Variants in RNF130 observed in about 807,000 individuals in gnomAD.
RNF130 encodes the protein E3 ubiquitin-protein ligase RNF130.
In RNF130, 21 loss-of-function variants were observed where a neutral mutation model predicts 44.6. The ratio of observed to expected loss-of-function variants is 0.47; its 90% CI spans 0.33 to 0.68. The LOEUF (loss-of-function observed/expected upper bound fraction) is 0.68. RNF130 is among the 30% of genes least tolerant of loss of function. RNF130 has a pLI of 0.02. For synonymous variants in RNF130, 214 were observed against 210.4 expected, an observed-to-expected ratio of 1.02 and a Z score of -0.15; for missense variants, 479 against 560.6, an observed-to-expected ratio of 0.85 and a Z score of 1.47.
At chr5:179,920,779 T>TATA (rs1561658045) in intron 7 of RNF130, among the ~76,000 whole-genome samples, 22 of 137,982 alleles carry the variant, frequency 1.6e-4, no homozygotes, top group African/African-American at 5.7e-4. Context: ...GCATATATAT[T>TATA]TATATATATA....
rs576152744 is a variant in RNF130, at chr5:180,060,167, C to G, written c.247+11289G>C. 2.6e-5 allele frequency among the ~76,000 whole-genome samples: 4 copies of G among 152,290 alleles called. No homozygotes were observed. In the South Asian group the frequency reaches 8.3e-4, roughly 32 times the overall value. On this transcript the variant is annotated intron_variant, in intron 1 of 8. Coordinates refer to ENST00000521389, the MANE Select transcript of RNF130 (RefSeq NM_018434.6). ...CCAAAGCCACGCAGTCTTGCCAACACCTTGGTCTCACTGAGGCCAGTAAAA... is the reference window on the plus strand; with the variant it reads ...CCAAAGCCACGCAGTCTTGCCAACAGCTTGGTCTCACTGAGGCCAGTAAAA...
chr5:179,950,664 C>T (rs543785383), downstream of RNF130, among the ~76,000 whole-genome samples: 13 of 152,326 alleles, frequency 8.5e-5, no homozygotes, highest in African/African-American at 2.4e-4. Context: ...TCACTCATTT[C>T]GCTTCTTAGC....
chr5:179,922,764 T>C (rs1293381895), intron 7 of RNF130, among the ~76,000 whole-genome samples: 2 of 151,804 alleles, frequency 1.3e-5, no homozygotes, highest in Non-Finnish European at 2.9e-5. Flanking sequence ...TGAAACCCCA[T>C]CTCTACTAAA....
chr5:179,984,612 G>T (rs1762913740), intron 3 of RNF130, among the ~76,000 whole-genome samples: 1 of 152,014 alleles, frequency 6.6e-6, no homozygotes, highest in African/African-American at 2.4e-5. Context: ...TGGTCATGAT[G>T]AATTTATATA....
chr5:180,061,417 C>T (rs906017675), intron 1 of RNF130, among the ~76,000 whole-genome samples: 3 of 152,200 alleles, frequency 2.0e-5, no homozygotes, highest in Non-Finnish European at 2.9e-5. Context: ...CCAGTGGCGG[C>T]CGCAAGACAT....
At chr5:179,959,097 T>C (rs1456265383) in intron 8 of RNF130, among the ~76,000 whole-genome samples, 1 of 152,168 alleles carries the variant, frequency 6.6e-6, no homozygotes, top group Non-Finnish European at 1.5e-5. Context: ...TGAGGCTCTT[T>C]TGAGTATTAA....
intron 7 of RNF130, among the ~76,000 whole-genome samples, chr5:179,944,590 T>C (rs947507204): frequency 5.9e-5 from 9 of 152,024 alleles, no homozygotes; most frequent in African/African-American, 2.2e-4. Flanking sequence ...TCAGCCTCCT[T>C]GCAAGCCACC....
exon 8 of RNF130, chr5:179,913,909 T>A (rs1401272641): frequency 6.6e-6 from 1 of 152,250 alleles, no homozygotes; most frequent in African/African-American, 2.4e-5. Context: ...CACGCTTTGC[T>A]TTCCCTGTAG....
chr5:180,051,889 T>C (rs764440371), intron 1 of RNF130, among the ~76,000 whole-genome samples: 1 of 152,232 alleles, frequency 6.6e-6, no homozygotes. Context: ...AGATACTTCA[T>C]GCAAGATGCT....
chr5:179,978,264 G>T lies in RNF130; in HGVS notation c.787C>A (p.His263Asn). 29 of 1,613,824 alleles carry T rather than the reference G, an allele frequency of 1.8e-5. No individual in the cohort carries two copies. Among genetic ancestry groups the T allele is most frequent in the Non-Finnish European group, 2.5e-5 (29 of 1,179,720 alleles). ...GDKETDPDFD[H>N]CAVCIESYKQ... ...TAGCTCTCTATGCAGACTGCACAAT[G>T]ATCAAAGTCTGGGTCAGTTTCCTAA... The change falls in exon 5 of 9, where the codon CAT (histidine) becomes AAT (asparagine). Residue 263 changes from histidine to asparagine, a missense_variant. Physicochemically the swap from His to Asn is moderately conservative, Grantham distance 68 (BLOSUM62 1). Around this residue, in one of 3 missense-constraint regions of RNF130, gnomAD observed 180 missense variants for 275.1 expected, o/e 0.65. Transcript: ENST00000521389.
At chr5:179,931,385 T>C (rs1368002011) in intron 7 of RNF130, among the ~76,000 whole-genome samples, 1 of 152,252 alleles carries the variant, frequency 6.6e-6, no homozygotes, top group Non-Finnish European at 1.5e-5. Context: ...TTCTGTGTTC[T>C]TTTGTGTGTG....
chr5:179,941,238 T>C (rs1247514061), intron 7 of RNF130, among the ~76,000 whole-genome samples: 1 of 152,244 alleles, frequency 6.6e-6, no homozygotes, highest in Admixed American at 6.5e-5. Context: ...TTGCTGGACA[T>C]GTATACAAGA....
intron 1 of RNF130, among the ~76,000 whole-genome samples, chr5:180,043,473 C>T (rs571535845): frequency 3.9e-5 from 6 of 152,270 alleles, no homozygotes; most frequent in South Asian, 2.1e-4. Flanking sequence ...AGCTACCCCA[C>T]GCTCAGCAGC....
chr5:180,057,987 GT>G (rs1208337592), intron 1 of RNF130, among the ~76,000 whole-genome samples: 2 of 152,164 alleles, frequency 1.3e-5, no homozygotes, highest in African/African-American at 4.8e-5. Flanking sequence ...TTACCAGGTA[GT>G]TAGTGTCAGA....
At chr5:179,966,452 C>T (rs1762451799) in intron 7 of RNF130, among the ~76,000 whole-genome samples, 1 of 152,220 alleles carries the variant, frequency 6.6e-6, no homozygotes, top group Non-Finnish European at 1.5e-5. Flanking sequence ...TCACAGCATA[C>T]AACACACCAG....
chr5:179,984,466 T>C (rs1762910013), intron 3 of RNF130, among the ~76,000 whole-genome samples: 2 of 152,174 alleles, frequency 1.3e-5, no homozygotes, highest in South Asian at 4.1e-4. Context: ...CAGGAATCGA[T>C]GTTGGACTTC....
At chr5:179,998,892 A>ATC in intron 3 of RNF130, among the ~76,000 whole-genome samples, 1 of 101,060 alleles carries the variant, frequency 9.9e-6, no homozygotes, top group African/African-American at 3.8e-5. Context: ...TATGTTTTAT[A>ATC]TATCTGAGTG....
At chr5:180,043,139 AG>A (rs1764465889) in intron 1 of RNF130, among the ~76,000 whole-genome samples, 1 of 152,160 alleles carries the variant, frequency 6.6e-6, no homozygotes. Context: ...GCACATAGTA[AG>A]ACCCTCATCT....
intron 3 of RNF130, among the ~76,000 whole-genome samples, chr5:180,006,368 T>G (rs775763091): frequency 6.6e-6 from 1 of 152,220 alleles, no homozygotes; most frequent in African/African-American, 2.4e-5. Context: ...AACCTTTCTC[T>G]GACACAGGAA....
Sources: gnomAD v4.1 joint callset for allele counts (sites outside exome capture counted in the v4.1 genomes callset) on GRCh38, gnomAD v4.1.1 for gene constraint, gnomAD v4.1.1 regional missense constraint, MANE v1.5 for transcripts, NCBI Gene and HGNC (gene_info 2026-07-23, HGNC 2026-07-21) for gene names.